The following CLIC5 variants were observed in gnomAD, a reference collection of about 807,000 sequenced individuals.
CLIC5 encodes the protein chloride intracellular channel protein 5.
CLIC5 carries 20 observed loss-of-function variants against 24.7 expected under a neutral mutation model. The observed-to-expected ratio is 0.81, with a 90% confidence interval of 0.57 to 1.18. The LOEUF (loss-of-function observed/expected upper bound fraction) is 1.18. Ranked by LOEUF, CLIC5 falls within the 50% of genes most tolerant of loss-of-function variation. The probability of loss-of-function intolerance (pLI) is 0.00; values close to 1 mark genes in which losing one functional copy is unlikely to be tolerated. For synonymous variants in CLIC5, 159 were observed against 135.6 expected, an observed-to-expected ratio of 1.17 and a Z score of -1.20; for missense variants, 341 against 326.1, an observed-to-expected ratio of 1.05 and a Z score of -0.35.
intron 5 of CLIC5, among the ~76,000 whole-genome samples, chr6:45,906,564 C>CT (rs35362216): frequency 0.012 from 1,769 of 141,666 alleles, 28 homozygotes; most frequent in African/African-American, 0.037. Context: ...TGTACATTGA[C>CT]TTTTTTTTTT....
chr6:45,967,928 C>A (rs1438812933), intron 1 of CLIC5, among the ~76,000 whole-genome samples: 2 of 152,290 alleles, frequency 1.3e-5, no homozygotes, highest in East Asian at 3.9e-4. Flanking sequence ...CACCTCCCAC[C>A]AGGCCCTGCC....
intron 3 of CLIC5, among the ~76,000 whole-genome samples, chr6:45,945,943 C>T (rs2127375026): frequency 6.6e-6 from 1 of 152,344 alleles, no homozygotes; most frequent in East Asian, 1.9e-4. Context: ...AGTTTACCCT[C>T]CTGAATTTTT....
the CLIC5 span, among the ~76,000 whole-genome samples, chr6:46,128,479 T>C: frequency 6.6e-6 from 1 of 152,248 alleles, no homozygotes; most frequent in African/African-American, 2.4e-5. Context: ...CCCCAAAACT[T>C]GGCCTTACCC....
chr6:45,934,411 G>T (rs1763857175), intron 4 of CLIC5: 1 of 142,314 alleles, frequency 7.0e-6, no homozygotes, highest in South Asian at 2.4e-4. Context: ...AAATAAGAGA[G>T]AAAAGTGGAC....
chr6:46,015,928 G>C (rs1766988763), upstream of CLIC5: 1 of 999,268 alleles, frequency 1.0e-6, no homozygotes, highest in Non-Finnish European at 1.2e-6. Context: ...GGGCGGGGAC[G>C]CGGCGGGGAC....
chr6:45,935,108 TAG>T (rs1262088458), intron 4 of CLIC5, among the ~76,000 whole-genome samples: 3 of 152,242 alleles, frequency 2.0e-5, no homozygotes, highest in Non-Finnish European at 4.4e-5. Context: ...CAGGGATTTT[TAG>T]AGTCTGTTCA....
rs367709520 is a variant in CLIC5, at chr6:45,955,209, A to T, written c.99T>A (p.Pro33=). Residue 33 remains proline, a synonymous_variant, in exon 2 of 6, where the codon CCT becomes CCA. Transcript: ENST00000339561. ...GIDGESIGNC[P]FSQRLFMILW... ...GGATCATGAAGAGGCGCTGAGAGAA[A>T]GGACAGTTGCCGATGCTTTCTCCAT... 81 of 1,613,918 alleles carry T rather than the reference A, an allele frequency of 5.0e-5. No homozygotes were observed. Among genetic ancestry groups the T allele is most frequent in the Non-Finnish European group, 6.7e-5 (79 of 1,179,888 alleles).
At chr6:45,939,818 GTT>G (rs773706517) in intron 4 of CLIC5, among the ~76,000 whole-genome samples, 7 of 143,362 alleles carry the variant, frequency 4.9e-5, no homozygotes, top group Non-Finnish European at 1.5e-5. Flanking sequence ...TTAAAAACAA[GTT>G]TTTTTTTTTT....
At chr6:46,108,368 T>TTGTGTG in the CLIC5 span, among the ~76,000 whole-genome samples, 154 of 142,654 alleles carry the variant, frequency 1.1e-3, no homozygotes, top group Middle Eastern at 3.7e-3. Context: ...TATCGGGTCT[T>TTGTGTG]TGTGTGTGTG....
At chr6:45,959,126 C>A (rs916333353) in intron 1 of CLIC5, among the ~76,000 whole-genome samples, 3 of 152,164 alleles carry the variant, frequency 2.0e-5, no homozygotes, top group African/African-American at 7.2e-5. Flanking sequence ...AACCACTGCA[C>A]CTATAACTTC....
Position 45,933,786 on chromosome 6 carries a change from C to T in CLIC5, c.406+7761G>A, listed in dbSNP as rs116059113. On this transcript the variant is annotated intron_variant, in intron 4 of 5. Coordinates refer to ENST00000339561, the MANE Select transcript of CLIC5 (RefSeq NM_016929.5). Reference sequence around the variant, plus strand: ...GGGGCAGGGAGGTTGGCGACACACGCCTGAGGCTGCAGGGAGGTCTCCTGA... The same window carrying T: ...GGGGCAGGGAGGTTGGCGACACACGTCTGAGGCTGCAGGGAGGTCTCCTGA... 6.9e-3 allele frequency among the ~76,000 whole-genome samples: 1,054 copies of T among 152,256 alleles called. 11 individuals carry two copies. The highest frequency in any genetic ancestry group is 0.023 in the African/African-American group (974 of 41,558).
At chr6:45,951,740 G>A (rs947617685) in intron 2 of CLIC5, among the ~76,000 whole-genome samples, 2 of 152,070 alleles carry the variant, frequency 1.3e-5, no homozygotes, top group African/African-American at 2.4e-5. Flanking sequence ...TGTGGGAGTC[G>A]GGAGTGGAAA....
intron 1 of CLIC5, among the ~76,000 whole-genome samples, chr6:46,059,555 G>A (rs1304316411): frequency 2.0e-5 from 3 of 152,158 alleles, no homozygotes; most frequent in East Asian, 1.9e-4. Flanking sequence ...TGGGACATTC[G>A]AGGGAGCTCC....
chr6:45,907,193 G>T lies in CLIC5; in HGVS notation c.589-3938C>A, dbSNP rs1175586710. On this transcript the variant is annotated intron_variant, in intron 5 of 5. Coordinates refer to ENST00000339561, the MANE Select transcript of CLIC5 (RefSeq NM_016929.5). ...ATAGATGGCTCTTATTATTTTGAGG[G>T]GTGTTCCTTTAATGCCTAATTTATT... Among the ~76,000 whole-genome samples the T allele has an allele frequency of 2.6e-5, 4 of 151,990 alleles. No individual in the cohort carries two copies. The East Asian group carries it at 7.7e-4, about 29-fold the overall frequency.
chr6:45,914,339 C>T lies in CLIC5; in HGVS notation c.477G>A (p.Glu159=), dbSNP rs148377014. The T allele has an allele frequency of 6.2e-7, 1 of 1,610,120 alleles. No homozygotes were observed. ...DDYLNTPLPE[E]IDANTCGEDK... ...CTTCCCCACAAGTGTTGGCGTCAAT[C>T]TCCTCTGGTAGAGGGGTGTTCAGGT... Residue 159 remains glutamate, a synonymous_variant, in exon 5 of 6, where the codon GAG becomes GAA. Transcript: ENST00000339561.
At chr6:45,937,325 A>G (rs1380479567) in intron 4 of CLIC5, 1 of 152,232 alleles carries the variant, frequency 6.6e-6, no homozygotes, top group Non-Finnish European at 1.5e-5. Context: ...GAGGCCAGAC[A>G]CTGCGCTAAG....
intron 4 of CLIC5, among the ~76,000 whole-genome samples, chr6:45,930,776 G>A (rs1763706339): frequency 6.6e-6 from 1 of 152,156 alleles, no homozygotes; most frequent in Non-Finnish European, 1.5e-5. Context: ...CTGTGTGCCA[G>A]GAACTGTCCT....
intron 1 of CLIC5, among the ~76,000 whole-genome samples, chr6:46,046,622 G>T (rs146619722): frequency 2.0e-3 from 312 of 152,342 alleles, no homozygotes; most frequent in African/African-American, 7.1e-3. Context: ...ATACCATGAT[G>T]ATTTTGATAA....
chr6:45,960,708 C>G (rs1397092452), intron 1 of CLIC5, among the ~76,000 whole-genome samples: 1 of 152,250 alleles, frequency 6.6e-6, no homozygotes, highest in African/African-American at 2.4e-5. Flanking sequence ...ACCCCCTTTG[C>G]AAGCCCCACG....
Sources: gnomAD v4.1 joint callset for allele counts (sites outside exome capture counted in the v4.1 genomes callset) on GRCh38, gnomAD v4.1.1 for gene constraint, MANE v1.5 for transcripts, NCBI Gene and HGNC (gene_info 2026-07-23, HGNC 2026-07-21) for gene names.